The following XYLT1 variants were observed in gnomAD, a reference collection of about 807,000 sequenced individuals.
The protein encoded by XYLT1 is xylosyltransferase 1, also known as beta-D-xylosyltransferase 1.
In XYLT1, 36 loss-of-function variants were observed where a neutral mutation model predicts 91.3. The ratio of observed to expected loss-of-function variants is 0.39; its 90% confidence interval spans 0.30 to 0.52. The LOEUF (loss-of-function observed/expected upper bound fraction) is 0.52, where lower values mean the gene tolerates loss of function less well. Ranked by LOEUF, XYLT1 falls within the 20% of genes least tolerant of loss-of-function variation. The pLI is 0.68. For synonymous variants in XYLT1, 588 were observed against 532.0 expected (o/e 1.11, Z -1.45); for missense variants, 1,242 against 1,284.5 (o/e 0.97, Z 0.51).
rs1161878907 is a variant in XYLT1, at chr16:17,297,430, A to T, written c.403-37932T>A. On this transcript the variant is annotated intron_variant, in intron 2 of 11. Coordinates refer to ENST00000261381, the MANE Select transcript of XYLT1 (RefSeq NM_022166.4). ...ACGGTGTCTCTAGGAAAAGTAAAAA[A>T]CTTAGCTGGGTATCATGGAGAACGC... Among the ~76,000 whole-genome samples the T allele has an allele frequency of 3.9e-5, 6 of 152,170 alleles. No individual in the cohort carries two copies. In the South Asian group the frequency reaches 1.2e-3, roughly 32 times the overall value.
chr16:17,125,670 C>G (rs1179403784), intron 10 of XYLT1, among the ~76,000 whole-genome samples: 1 of 152,142 alleles, frequency 6.6e-6, no homozygotes, highest in Non-Finnish European at 1.5e-5. Context: ...TTGTCCCCAT[C>G]AATGTCCTGA....
At chr16:17,206,035 C>T (rs1186031865) in intron 3 of XYLT1, among the ~76,000 whole-genome samples, 1 of 152,168 alleles carries the variant, frequency 6.6e-6, no homozygotes. Context: ...GAAGGTGTGA[C>T]TGGGATTCAG....
chr16:17,336,738 G>A (rs949408266), intron 2 of XYLT1, among the ~76,000 whole-genome samples: 3 of 152,184 alleles, frequency 2.0e-5, no homozygotes, highest in East Asian at 1.9e-4. Flanking sequence ...TACCCCAGCC[G>A]AGCTGACATC....
At chr16:17,305,120 C>T (rs534856062) in intron 2 of XYLT1, among the ~76,000 whole-genome samples, 8 of 152,228 alleles carry the variant, frequency 5.3e-5, no homozygotes, top group South Asian at 2.1e-4. Context: ...ACAAAGGAGG[C>T]GACAGAGGTT....
chr16:17,194,953 T>C (rs939346817), intron 5 of XYLT1, among the ~76,000 whole-genome samples: 8 of 152,234 alleles, frequency 5.3e-5, no homozygotes, highest in African/African-American at 1.9e-4. Context: ...GCCATGTACT[T>C]GTCTAAACTC....
intron 1 of XYLT1, among the ~76,000 whole-genome samples, chr16:17,443,473 T>C (rs2036556341): frequency 6.6e-6 from 1 of 152,168 alleles, no homozygotes; most frequent in African/African-American, 2.4e-5. Context: ...TCCCCTGCAT[T>C]GTCTCTCTCT....
At chr16:17,333,632 G>GGCTGGAGT (rs1172620108) in intron 2 of XYLT1, among the ~76,000 whole-genome samples, 48 of 145,308 alleles carry the variant, frequency 3.3e-4, no homozygotes, top group African/African-American at 1.2e-3. Context: ...CTGCCGCCCA[G>GGCTGGAGT]GCTGGAGTGC....
intron 2 of XYLT1, among the ~76,000 whole-genome samples, chr16:17,332,856 G>A (rs1441640207): frequency 6.6e-6 from 1 of 151,998 alleles, no homozygotes; most frequent in Non-Finnish European, 1.5e-5. Context: ...TCTGTCCGCA[G>A]GAGCTCCGAA....
chr16:17,104,193 T>C lies in XYLT1; in HGVS notation c.*4502A>G, dbSNP rs1966744644. On this transcript the variant is annotated 3_prime_UTR_variant, in exon 12 of 12. Transcript: ENST00000261381. ...TTCCAGGGATGGGACAAGATGGCTG[T>C]GTCAACACTTGGGATTTGGAGAGAG... is the stretch of plus-strand genomic sequence containing the variant. 6.5e-6 allele frequency: 1 copy of C among 152,796 alleles called. No individual in the cohort carries two copies. Among genetic ancestry groups the C allele is most frequent in the African/African-American group, 2.4e-5 (1 of 41,460 alleles). 9.5% of individuals were successfully genotyped at this position (152,796 alleles called of 1,614,324 possible).
chr16:17,110,225 T>C (rs1204943820), intron 11 of XYLT1, among the ~76,000 whole-genome samples: 1 of 152,214 alleles, frequency 6.6e-6, no homozygotes, highest in Non-Finnish European at 1.5e-5. Context: ...TATAAAGTAT[T>C]TACAAATGAC....
intron 6 of XYLT1, among the ~76,000 whole-genome samples, chr16:17,154,393 C>A (rs1241586554): frequency 6.6e-6 from 1 of 152,136 alleles, no homozygotes; most frequent in African/African-American, 2.4e-5. Context: ...GGAAAAGTCT[C>A]AGAAAAACTC....
chr16:17,279,260 A>C (rs1479847211), intron 2 of XYLT1, among the ~76,000 whole-genome samples: 2 of 152,246 alleles, frequency 1.3e-5, no homozygotes, highest in Non-Finnish European at 2.9e-5. Flanking sequence ...CAGGTTTCCC[A>C]GCTGTAGCCA....
In XYLT1 at chr16:17,150,172, T is replaced by A. The variant is rs190728275; in HGVS notation, c.1370+8657A>T. Among the ~76,000 whole-genome samples, 376 of 152,312 alleles carry A rather than the reference T, an allele frequency of 2.5e-3. 2 individuals are homozygous for A. The highest frequency in any genetic ancestry group is 4.6e-3 in the Non-Finnish European group (314 of 68,028). On this transcript the variant is annotated intron_variant, in intron 6 of 11. Transcript: ENST00000261381. Reference sequence around the variant, plus strand: ...CTTCTAATTCTGTCCAAGCTCTGGATGAGCTCGCGAGGATTCAGCTCCCTG... The same window carrying A: ...CTTCTAATTCTGTCCAAGCTCTGGAAGAGCTCGCGAGGATTCAGCTCCCTG...
At chr16:17,299,533 G>A (rs934345131) in intron 2 of XYLT1, among the ~76,000 whole-genome samples, 1 of 152,178 alleles carries the variant, frequency 6.6e-6, no homozygotes, top group African/African-American at 2.4e-5. Context: ...CGACGCTGCT[G>A]CACAGGGGCT....
chr16:17,235,673 G>C (rs752061289), intron 3 of XYLT1, among the ~76,000 whole-genome samples: 1 of 152,190 alleles, frequency 6.6e-6, no homozygotes, highest in African/African-American at 2.4e-5. Context: ...TAAGGACTGT[G>C]TCTCTCTTGA....
At position 17,464,089 on chromosome 16, in the gene XYLT1, T is replaced by C. The variant is rs977773975; in HGVS notation, c.363+6345A>G. ...GTGATTAGGGGAGTAGGGAGGAAGA[T>C]GTTGATTGGAAGGATAAAAATCCAG... On this transcript the variant is annotated intron_variant, in intron 1 of 11. Coordinates refer to ENST00000261381, the MANE Select transcript of XYLT1 (RefSeq NM_022166.4). Among the ~76,000 whole-genome samples, 6 of 151,242 alleles carry C rather than the reference T, an allele frequency of 4.0e-5. 1 individual carries two copies. In the East Asian group the frequency reaches 7.7e-4, roughly 19 times the overall value.
intron 1 of XYLT1, among the ~76,000 whole-genome samples, chr16:17,387,514 C>A (rs538391232): frequency 6.6e-6 from 1 of 152,290 alleles, no homozygotes; most frequent in Admixed American, 6.5e-5. Context: ...ACCTGAGGCA[C>A]AGGCTATTAT....
At chr16:17,362,356 T>C (rs1231776821) in intron 1 of XYLT1, among the ~76,000 whole-genome samples, 2 of 152,128 alleles carry the variant, frequency 1.3e-5, no homozygotes, top group Admixed American at 6.6e-5. Flanking sequence ...CAAGGAACCA[T>C]GTAAAGTTAG....
intron 3 of XYLT1, among the ~76,000 whole-genome samples, chr16:17,232,549 T>C (rs1249316328): frequency 1.3e-5 from 2 of 151,036 alleles, no homozygotes; most frequent in Admixed American, 1.3e-4. Flanking sequence ...ATGTTGATTA[T>C]TGATTGATTG....
Sources: allele counts gnomAD v4.1 joint callset (sites outside exome capture counted in the v4.1 genomes callset), GRCh38; gene constraint gnomAD v4.1.1; transcripts MANE v1.5; gene names NCBI Gene and HGNC (gene_info 2026-07-23, HGNC 2026-07-21).